Variants in SNTG1 observed in about 807,000 individuals in gnomAD.
SNTG1 encodes the protein syntrophin gamma 1.
A neutral mutation model predicts 74.7 loss-of-function variants in SNTG1; 39 were observed. That is an observed-to-expected ratio of 0.52 (90% confidence interval 0.40 to 0.68). SNTG1 has a LOEUF of 0.68. Ranked by LOEUF, SNTG1 falls within the 30% of genes least tolerant of loss-of-function variation. The pLI is 0.00. For missense variants in SNTG1, 685 were observed against 609.5 expected, an observed-to-expected ratio of 1.12 and a Z score of -1.30; for synonymous variants, 254 against 217.1, an observed-to-expected ratio of 1.17 and a Z score of -1.49.
intron 11 of SNTG1, among the ~76,000 whole-genome samples, chr8:50,548,543 G>T (rs2094403888): frequency 6.6e-6 from 1 of 152,142 alleles, no homozygotes; most frequent in Admixed American, 6.6e-5. Context: ...CTTACTTACA[G>T]ATTAAAGATT....
At chr8:50,026,082 C>T (rs549847219) in intron 1 of SNTG1, among the ~76,000 whole-genome samples, 120 of 152,232 alleles carry the variant, frequency 7.9e-4, no homozygotes, top group Non-Finnish European at 1.3e-3. Context: ...TACTGCAAAA[C>T]GTTCAAATGT....
At position 50,450,599 on chromosome 8, in the gene SNTG1, G is replaced by T. The variant is rs767009861; in HGVS notation, c.321G>T (p.Gln107His). 6.2e-7 allele frequency: 1 copy of T among 1,613,360 alleles called. No homozygotes were observed. The highest frequency in any genetic ancestry group is 8.5e-7 in the Non-Finnish European group (1 of 1,179,706). Residue 107 changes from glutamine to histidine, a missense_variant and splice_region_variant, in exon 7 of 19, where the codon CAG (glutamine) becomes CAT (histidine). Coordinates refer to ENST00000642720, the MANE Select transcript of SNTG1 (RefSeq NM_018967.5). The part of the protein sequence containing the change: ...GLLFIGDAIL[Q>H]INGINVRKCR... ...TTTTTATTGGAGATGCAATTCTACA[G>T]GTATACATTTTATCACTATATGTGT...
intron 1 of SNTG1, among the ~76,000 whole-genome samples, chr8:49,923,928 T>A (rs1806789785): frequency 6.6e-6 from 1 of 152,160 alleles, no homozygotes; most frequent in African/African-American, 2.4e-5. Context: ...GCAATAAATA[T>A]CTAACAGATG....
chr8:50,257,115 C>T (rs910290205), intron 2 of SNTG1, among the ~76,000 whole-genome samples: 13 of 152,082 alleles, frequency 8.5e-5, no homozygotes, highest in African/African-American at 3.1e-4. Flanking sequence ...AGAAGAGGCA[C>T]ACCCAAAACC....
intron 1 of SNTG1, among the ~76,000 whole-genome samples, chr8:50,012,102 G>A (rs1462801559): frequency 1.3e-5 from 2 of 151,250 alleles, no homozygotes; most frequent in African/African-American, 4.9e-5. Context: ...GGCAAGAGAT[G>A]AGTAATTATT....
intron 12 of SNTG1, among the ~76,000 whole-genome samples, chr8:50,576,356 G>A (rs1433567700): frequency 3.3e-5 from 5 of 152,072 alleles, no homozygotes; most frequent in African/African-American, 1.2e-4. Context: ...TAGACCTATA[G>A]CACATAGTTT....
chr8:50,195,528 C>T (rs2083733035), intron 2 of SNTG1, among the ~76,000 whole-genome samples: 1 of 152,140 alleles, frequency 6.6e-6, no homozygotes, highest in Non-Finnish European at 1.5e-5. Context: ...AGTTATACCT[C>T]CTGCTCCTCT....
intron 2 of SNTG1, among the ~76,000 whole-genome samples, chr8:50,233,227 C>T (rs776202045): frequency 2.6e-5 from 4 of 151,298 alleles, no homozygotes; most frequent in African/African-American, 7.3e-5. Context: ...ATCAATGGAC[C>T]GGAAGAGATG....
At chr8:50,669,971 G>A (rs1187184666) in intron 15 of SNTG1, among the ~76,000 whole-genome samples, 2 of 152,086 alleles carry the variant, frequency 1.3e-5, no homozygotes. Context: ...TGCAGAAAAG[G>A]CCTTTGACAA....
intron 12 of SNTG1, among the ~76,000 whole-genome samples, chr8:50,579,145 T>A (rs1311794282): frequency 6.6e-6 from 1 of 152,078 alleles, no homozygotes. Flanking sequence ...GACAATGAAG[T>A]CCAGGCTGAG....
chr8:50,173,565 T>A lies in SNTG1; in HGVS notation c.-28+930T>A, dbSNP rs1006382672. On this transcript the variant is annotated intron_variant, in intron 2 of 18. Coordinates refer to ENST00000642720, the MANE Select transcript of SNTG1 (RefSeq NM_018967.5). ...AGTGTATCATGTGTTATAAAAACCA[T>A]GAAACTTTATAACTTTATGTAGCCA... Among the ~76,000 whole-genome samples, 6 of 152,184 alleles carry A rather than the reference T, an allele frequency of 3.9e-5. No homozygotes were observed. The East Asian group carries it at 1.2e-3, about 29-fold the overall frequency.
chr8:50,749,546 G>A (rs2095562529), intron 17 of SNTG1, among the ~76,000 whole-genome samples: 1 of 152,014 alleles, frequency 6.6e-6, no homozygotes. Flanking sequence ...GTAGAGAGGA[G>A]AAGTCAATGT....
chr8:50,660,611 A>G (rs1301165709), intron 15 of SNTG1, among the ~76,000 whole-genome samples: 1 of 152,090 alleles, frequency 6.6e-6, no homozygotes, highest in South Asian at 2.1e-4. Flanking sequence ...TTATCATAGT[A>G]ATAACGCAAC....
At chr8:49,992,557 G>C (rs1348898227) in intron 1 of SNTG1, among the ~76,000 whole-genome samples, 1 of 152,058 alleles carries the variant, frequency 6.6e-6, no homozygotes, top group Non-Finnish European at 1.5e-5. Flanking sequence ...GTGCATACAG[G>C]GAGCCTCAGC....
intron 2 of SNTG1, among the ~76,000 whole-genome samples, chr8:50,229,821 T>C (rs1459953076): frequency 6.6e-6 from 1 of 151,454 alleles, no homozygotes; most frequent in African/African-American, 2.4e-5. Flanking sequence ...GAAGAAAAAT[T>C]ACGTTTTGGG....
intron 1 of SNTG1, among the ~76,000 whole-genome samples, chr8:50,067,391 A>G (rs936295812): frequency 1.3e-5 from 2 of 152,308 alleles, no homozygotes; most frequent in East Asian, 3.9e-4. Context: ...AGCCATTAAG[A>G]AGATAAGATT....
intron 2 of SNTG1, among the ~76,000 whole-genome samples, chr8:50,377,607 T>A (rs1349188124): frequency 6.6e-6 from 1 of 152,284 alleles, no homozygotes; most frequent in South Asian, 2.1e-4. Context: ...CAAATTTGCA[T>A]AATTAAAAAT....
intron 2 of SNTG1, among the ~76,000 whole-genome samples, chr8:50,186,344 A>G (rs974585035): frequency 2.6e-5 from 4 of 152,144 alleles, no homozygotes; most frequent in African/African-American, 9.7e-5. Flanking sequence ...AGAATGATTT[A>G]TATTCCTTTG....
intron 1 of SNTG1, among the ~76,000 whole-genome samples, chr8:50,167,589 G>A (rs962507970): frequency 6.6e-6 from 1 of 150,560 alleles, no homozygotes; most frequent in Non-Finnish European, 1.5e-5. Flanking sequence ...TTGAGCCCAC[G>A]AGTTTGAGGC....
Sources: gnomAD v4.1 joint callset for allele counts (sites outside exome capture counted in the v4.1 genomes callset) on GRCh38, gnomAD v4.1.1 for gene constraint, MANE v1.5 for transcripts, NCBI Gene and HGNC (gene_info 2026-07-23, HGNC 2026-07-21) for gene names.